Variants in NAV2 observed in about 807,000 individuals in gnomAD.
NAV2 encodes the protein helicase, APC down-regulated 1.
Under a neutral mutation model 223.2 loss-of-function variants are expected in NAV2, and 54 were observed. The ratio of observed to expected loss-of-function variants is 0.24; its 90% CI spans 0.19 to 0.30. NAV2 has a LOEUF of 0.30. Ranked by LOEUF, NAV2 falls within the 10% of genes least tolerant of loss-of-function variation. The pLI is 1.00. For missense variants in NAV2, 2,806 were observed against 3,147.5 expected (o/e 0.89, Z 2.60); for synonymous variants, 1,279 against 1,239.3 (o/e 1.03, Z -0.67).
intron 1 of NAV2, among the ~76,000 whole-genome samples, chr11:19,773,459 A>T (rs76310489): frequency 0.076 from 11,642 of 152,192 alleles, 1,403 homozygotes; most frequent in African/African-American, 0.25. Context: ...GGGCCAGGGG[A>T]TGGGTCAGAA....
At chr11:19,828,128 TG>T (rs2059743070) in intron 1 of NAV2, among the ~76,000 whole-genome samples, 1 of 152,196 alleles carries the variant, frequency 6.6e-6, no homozygotes, top group African/African-American at 2.4e-5. Context: ...CACCCCAGCC[TG>T]GGAGACAGAG....
chr11:19,568,221 CTG>C (rs1266587507), intron 1 of NAV2, among the ~76,000 whole-genome samples: 1 of 152,232 alleles, frequency 6.6e-6, no homozygotes. Context: ...GAGTATCACT[CTG>C]TGAAGCTTAG....
At chr11:20,025,237 T>A (rs1351693385) in intron 11 of NAV2, among the ~76,000 whole-genome samples, 2 of 152,240 alleles carry the variant, frequency 1.3e-5, no homozygotes, top group African/African-American at 4.8e-5. Context: ...GTTTATGGGA[T>A]GGTGCTTAGC....
intron 1 of NAV2, among the ~76,000 whole-genome samples, chr11:19,550,677 C>A (rs936352476): frequency 6.6e-6 from 1 of 152,234 alleles, no homozygotes; most frequent in African/African-American, 2.4e-5. Context: ...TGGCTTCCTA[C>A]GTGGGCCCTG....
chr11:19,629,542 G>GACACACACAC (rs10604730), intron 1 of NAV2, among the ~76,000 whole-genome samples: 1,404 of 134,804 alleles, frequency 0.01, 28 homozygotes, highest in African/African-American at 0.036. Flanking sequence ...CTCTCTCTCT[G>GACACACACAC]ACACACACAC....
rs749547751 is a variant in NAV2, at chr11:19,933,991, T to G, written c.1747T>G (p.Ser583Ala). 1.8e-5 allele frequency: 28 copies of G among 1,596,404 alleles called. No individual in the cohort carries two copies. Among genetic ancestry groups the G allele is most frequent in the Non-Finnish European group, 2.3e-5 (27 of 1,173,200 alleles). The stretch of plus-strand genomic sequence containing the variant: ...GAAATCCCCAAGTGCCCCAGCGCCT[T>G]CCAAGGAAGGGGAGCGGAGCCGGAG... ...PGKSPSAPAP[S>A]KEGERSRSGK... is the part of the protein sequence containing the mutation. Residue 583 changes from serine to alanine, a missense_variant, in exon 7 of 38, where the codon TCC becomes GCC. Transcript: ENST00000349880. This position sits in a 1 kb window ranked among gnomAD's most constrained non-coding sequence, Gnocchi z 4.3.
intron 1 of NAV2, among the ~76,000 whole-genome samples, chr11:19,551,337 G>T (rs1041384075): frequency 6.6e-6 from 1 of 152,248 alleles, no homozygotes; most frequent in East Asian, 1.9e-4. Flanking sequence ...TCTTCTTAAA[G>T]TCCCCCCAGT....
chr11:19,356,442 G>A (rs757400063), intron 1 of NAV2, among the ~76,000 whole-genome samples: 31 of 152,170 alleles, frequency 2.0e-4, no homozygotes, highest in Non-Finnish European at 3.5e-4. Context: ...GGATCATGAT[G>A]ATGAGCTTAG....
At chr11:19,990,347 C>A (rs1056031826) in intron 11 of NAV2, among the ~76,000 whole-genome samples, 5 of 152,150 alleles carry the variant, frequency 3.3e-5, no homozygotes, top group Admixed American at 6.5e-5. Flanking sequence ...AATTCCAAGG[C>A]CACCAGATCT....
chr11:19,706,283 A>G (rs907743051), intron 1 of NAV2, among the ~76,000 whole-genome samples: 32 of 152,324 alleles, frequency 2.1e-4, no homozygotes, highest in African/African-American at 7.7e-4. Flanking sequence ...GATGTAAACA[A>G]AGGAATGTTT....
intron 1 of NAV2, among the ~76,000 whole-genome samples, chr11:19,396,836 C>T (rs1484958534): frequency 6.6e-6 from 1 of 152,182 alleles, no homozygotes; most frequent in Non-Finnish European, 1.5e-5. Flanking sequence ...TTTTCACTTT[C>T]CAAAAGAATC....
intron 1 of NAV2, among the ~76,000 whole-genome samples, chr11:19,738,879 C>A (rs2052559459): frequency 1.3e-5 from 2 of 152,070 alleles, no homozygotes; most frequent in Non-Finnish European, 2.9e-5. Flanking sequence ...AGCTTCTGTC[C>A]CCTGGTTCAC....
In NAV2 at chr11:20,061,310, C is replaced by A. The variant is rs186428244; in HGVS notation, c.4832-997C>A. 3.6e-5 allele frequency among the ~76,000 whole-genome samples: 5 copies of A among 139,354 alleles called. No individual in the cohort carries two copies. The East Asian group carries it at 1.0e-3, about 28-fold the overall frequency. The allele number at this position is 139,354 out of a possible 152,430, so 91.4% of individuals were successfully genotyped here. ...CTTGGCCGGGCGCGGTGGCTCATGA[C>A]TGTAATCCCAGCACTTTGGGAGGCC... On this transcript the variant is annotated intron_variant, in intron 19 of 37. Transcript: ENST00000349880.
chr11:19,413,648 G>C lies in NAV2; in HGVS notation c.75+62621G>C, dbSNP rs145378443. On this transcript the variant is annotated intron_variant, in intron 1 of 37. Coordinates refer to the NAV2 transcript ENST00000360655. Reference sequence around the variant, plus strand: ...TCAAATCCACTAAGGTTGAAATGAAGGAAAAAATGTTAAGGGCAGCCAGAG... The same window carrying C: ...TCAAATCCACTAAGGTTGAAATGAACGAAAAAATGTTAAGGGCAGCCAGAG... 2.0e-3 allele frequency among the ~76,000 whole-genome samples: 311 copies of C among 152,202 alleles called. 1 individual carries two copies. Among genetic ancestry groups the C allele is most frequent in the African/African-American group, 6.8e-3 (283 of 41,534 alleles).
intron 36 of NAV2, among the ~76,000 whole-genome samples, chr11:20,112,677 G>C (rs2062736984): frequency 1.3e-5 from 2 of 152,194 alleles, no homozygotes; most frequent in African/African-American, 2.4e-5. Flanking sequence ...GTTCAAGGTG[G>C]TGTCAGTCAG....
intron 1 of NAV2, among the ~76,000 whole-genome samples, chr11:19,495,850 T>G (rs2042777288): frequency 6.6e-6 from 1 of 152,200 alleles, no homozygotes. Context: ...CAGATGTTGC[T>G]GTCCACTTCT....
chr11:19,409,108 C>T lies in NAV2; in HGVS notation c.75+58081C>T, dbSNP rs574973954. Among the ~76,000 whole-genome samples, 89 of 152,108 alleles carry T rather than the reference C, an allele frequency of 5.9e-4. 1 individual carries two copies. The highest frequency in any genetic ancestry group is 5.4e-4 in the Non-Finnish European group (37 of 67,992). Reference sequence around the variant, plus strand: ...GTAAATCACATGTCTTTTTTTTCCCCTTTGGGAACATCAGCTTCCCTTGGT... The same window carrying T: ...GTAAATCACATGTCTTTTTTTTCCCTTTTGGGAACATCAGCTTCCCTTGGT... On this transcript the variant is annotated intron_variant, in intron 1 of 37. Coordinates refer to the NAV2 transcript ENST00000360655.
intron 1 of NAV2, among the ~76,000 whole-genome samples, chr11:19,512,124 G>A (rs1402264177): frequency 6.6e-6 from 1 of 152,112 alleles, no homozygotes; most frequent in East Asian, 1.9e-4. Flanking sequence ...TTCCCATCAG[G>A]AAACCACTTC....
intron 1 of NAV2, among the ~76,000 whole-genome samples, chr11:19,763,425 CTG>C (rs1465224671): frequency 1.3e-5 from 2 of 152,186 alleles, no homozygotes; most frequent in Admixed American, 6.5e-5. Context: ...GAATCTAAGA[CTG>C]TGTGTACTCA....
Sources: allele counts gnomAD v4.1 joint callset (sites outside exome capture counted in the v4.1 genomes callset), GRCh38; gene constraint gnomAD v4.1.1; non-coding constraint Gnocchi (gnomAD v3.1); transcripts MANE v1.5; gene names NCBI Gene and HGNC (gene_info 2026-07-23, HGNC 2026-07-21).